The following OR8K3 variants were observed in gnomAD, a reference collection of about 807,000 sequenced individuals.
The protein encoded by OR8K3 is olfactory receptor 8K3.
For synonymous variants in OR8K3, 167 were observed against 138.8 expected (o/e 1.20, Z -1.43); for missense variants, 448 against 367.4 (o/e 1.22, Z -1.79).
Position 56,319,245 on chromosome 11 carries a change from A to C in OR8K3, c.939A>C (p.Ter313TyrextTer10). The C allele has an allele frequency of 6.5e-7, 1 of 1,526,980 alleles. No homozygotes were observed. The highest frequency in any genetic ancestry group is 1.1e-5 in the South Asian group (1 of 87,990). 94.6% of individuals were successfully genotyped at this position (1,526,980 alleles called of 1,614,324 possible). The part of the protein sequence containing the change: ...TWNNLCNIFV[*>Y] ...ATAACTTATGTAATATTTTTGTTTAAATTTTGTACAATATGATTCCTATAA... is the reference window on the plus strand; with the variant it reads ...ATAACTTATGTAATATTTTTGTTTACATTTTGTACAATATGATTCCTATAA... The change falls in exon 3 of 3, where the codon TAA (stop) becomes TAC (tyrosine). Residue 313 changes from the stop codon to tyrosine, a stop_lost. Coordinates refer to ENST00000641662, the MANE Select transcript of OR8K3 (RefSeq NM_001005202.2).
At position 56,315,169 on chromosome 11, in the gene OR8K3, TAA is replaced by T. The variant is rs67427457; in HGVS notation, c.-82+14_-82+15del. ...GTCAAGACAGAGGCTTCCTTACAGG[TAA>T]AAAAAAAAAAAGTAAGAATGTTTCT... On this transcript the variant is annotated splice_donor_region_variant and intron_variant, in intron 1 of 2. Transcript: ENST00000641662. The T allele has an allele frequency of 2.9e-3, 420 of 145,106 alleles. No homozygotes were observed. Among genetic ancestry groups the T allele is most frequent in the African/African-American group, 9.2e-3 (369 of 40,184 alleles). The allele number at this position is 145,106 out of a possible 1,614,324, so 9.0% of individuals were successfully genotyped here.
At chr11:56,316,516 G>A (rs1470662978) in intron 2 of OR8K3, among the ~76,000 whole-genome samples, 5 of 151,512 alleles carry the variant, frequency 3.3e-5, no homozygotes, top group Non-Finnish European at 4.4e-5. Context: ...GGGTTATTGG[G>A]GGATATTTAG....
chr11:56,317,889 T>A (rs1437453322), intron 2 of OR8K3, among the ~76,000 whole-genome samples: 1 of 152,108 alleles, frequency 6.6e-6, no homozygotes, highest in African/African-American at 2.4e-5. Context: ...ATCTGTCTAT[T>A]CATGTATCTC....
rs753080044 is a variant in OR8K3 at position 56,319,123 on chromosome 11, G to A, written c.817G>A (p.Ala273Thr). 2.5e-6 allele frequency: 4 copies of A among 1,613,680 alleles called. No homozygotes were observed. Among genetic ancestry groups the A allele is most frequent in the Admixed American group, 3.3e-5 (2 of 59,976 alleles). ...TCATTCCTTTGACACTGATAAAGTG[G>A]CTTCCATATTTTACACCCTGGTTAT... is the stretch of plus-strand genomic sequence containing the variant. Reference protein sequence around the residue: ...SSHSFDTDKVASIFYTLVIPM... With the variant: ...SSHSFDTDKVTSIFYTLVIPM... Residue 273 changes from alanine to threonine, a missense_variant, in exon 3 of 3, where the codon GCT (alanine) becomes ACT (threonine). Physicochemically the swap from Ala to Thr is moderately conservative, Grantham distance 58. Transcript: ENST00000641662.
At position 56,318,590 on chromosome 11, in the gene OR8K3, A is replaced by AT. The variant is rs1367187185; in HGVS notation, c.289dup (p.Cys97LeufsTer14). 6.2e-7 allele frequency: 1 copy of AT among 1,613,288 alleles called. No homozygotes were observed. The highest frequency in any genetic ancestry group is 8.5e-7 in the Non-Finnish European group (1 of 1,179,686). On this transcript the variant is annotated frameshift_variant, in exon 3 of 3. Coordinates refer to ENST00000641662, the MANE Select transcript of OR8K3 (RefSeq NM_001005202.2). LOFTEE classifies it low-confidence loss of function (END_TRUNC). ...GTGGATAAGAATATAATTTCTTATT[A>AT]TTTTTGTGCAACACAGCTAGCTTTC...
chr11:56,315,914 C>A (rs529775449), intron 1 of OR8K3, 86 bp from the exon 2 acceptor site: 1 of 151,992 alleles, frequency 6.6e-6, no homozygotes, highest in Admixed American at 6.6e-5. Context: ...ATATTATTTT[C>A]TCAAAGATTG....
intron 2 of OR8K3, among the ~76,000 whole-genome samples, chr11:56,317,460 T>C (rs769602655): frequency 6.6e-6 from 1 of 152,148 alleles, no homozygotes; most frequent in Non-Finnish European, 1.5e-5. Context: ...TATTTTTTGC[T>C]TTGTAAATAT....
Position 56,320,065 on chromosome 11 carries a change from A to T in OR8K3, c.*820A>T, listed in dbSNP as rs1019546730. 6.6e-6 allele frequency: 1 copy of T among 151,972 alleles called. No homozygotes were observed. The highest frequency in any genetic ancestry group is 2.4e-5 in the African/African-American group (1 of 41,362). 9.4% of individuals were successfully genotyped at this position (151,972 alleles called of 1,614,324 possible). ...TCACAGATTTTCCCGTTATTTATCT[A>T]AAAAAAAGTAATAAACTGTGGTTAA... is the stretch of plus-strand genomic sequence containing the variant. On this transcript the variant is annotated 3_prime_UTR_variant, in exon 3 of 3. Coordinates refer to ENST00000641662, the MANE Select transcript of OR8K3 (RefSeq NM_001005202.2).
chr11:56,318,132 A>C (rs112445607), intron 2 of OR8K3, among the ~76,000 whole-genome samples, 152 bp from the exon 3 acceptor site: 3 of 152,242 alleles, frequency 2.0e-5, no homozygotes, highest in African/African-American at 7.2e-5. Context: ...CTCTTTCTTA[A>C]ATTATTTAAA....
chr11:56,318,454 A>C lies in OR8K3; in HGVS notation c.148A>C (p.Lys50Gln). 6.2e-7 allele frequency: 1 copy of C among 1,614,138 alleles called. No individual in the cohort carries two copies. Among genetic ancestry groups the C allele is most frequent in the Non-Finnish European group, 8.5e-7 (1 of 1,179,990 alleles). ...MGNLGMIVLT[K>Q]LDSRLQTPMY... is the part of the protein sequence containing the mutation. ...CAATTTGGGCATGATTGTCCTCACC[A>C]AGTTGGACTCCAGGTTGCAAACCCC... Residue 50 changes from lysine (K) to glutamine (Q), a missense_variant, in exon 3 of 3, where the codon AAG (lysine) becomes CAG (glutamine). By Grantham distance (53) the Lys-to-Gln change is moderately conservative. Coordinates refer to ENST00000641662, the MANE Select transcript of OR8K3 (RefSeq NM_001005202.2).
At position 56,320,280 on chromosome 11, in the gene OR8K3, A is replaced by G. The variant is rs1854508019; in HGVS notation, c.*1035A>G. 6.6e-6 allele frequency: 1 copy of G among 152,212 alleles called. No homozygotes were observed. The highest frequency in any genetic ancestry group is 2.4e-5 in the African/African-American group (1 of 41,446). The allele number at this position is 152,212 out of a possible 1,614,324, so 9.4% of individuals were successfully genotyped here. On this transcript the variant is annotated 3_prime_UTR_variant, in exon 3 of 3. Transcript: ENST00000641662. ...ATTTTTCTACTTGTACAAAGCAAAT[A>G]AAAGTAATAAAATGCACTACACCAT...
At chr11:56,317,883 G>A (rs34311941) in intron 2 of OR8K3, among the ~76,000 whole-genome samples, 23,730 of 151,690 alleles carry the variant, frequency 0.16, 2,227 homozygotes, top group Non-Finnish European at 0.21. Context: ...TCTATCATCT[G>A]TCTATTCATG....
At chr11:56,316,410 C>CA (rs1854443905) in intron 2 of OR8K3, among the ~76,000 whole-genome samples, 2 of 133,992 alleles carry the variant, frequency 1.5e-5, no homozygotes, top group Admixed American at 1.6e-4. Flanking sequence ...TTTCTTTTTT[C>CA]AAAAAACATT....
chr11:56,319,081 G>T lies in OR8K3; in HGVS notation c.775G>T (p.Val259Leu), dbSNP rs761417566. 2.5e-5 allele frequency: 41 copies of T among 1,614,028 alleles called. No homozygotes were observed. Among genetic ancestry groups the T allele is most frequent in the East Asian group, 1.6e-4 (7 of 44,868 alleles). The change falls in exon 3 of 3, where the codon GTG becomes TTG. Residue 259 changes from valine to leucine, a missense_variant. Transcript: ENST00000641662. ...CTATGGGACTTTGCTTTTCATGTAC[G>T]TGCAGCCCAAGTCCAGTCATTCCTT... ...VFYGTLLFMY[V>L]QPKSSHSFDT...
At position 56,318,683 on chromosome 11, in the gene OR8K3, T is replaced by C. The variant is rs757996560; in HGVS notation, c.377T>C (p.Ile126Thr). 5 of 1,613,920 alleles carry C rather than the reference T, an allele frequency of 3.1e-6. No homozygotes were observed. The highest frequency in any genetic ancestry group is 2.2e-5 in the South Asian group (2 of 91,072). Residue 126 changes from isoleucine (I) to threonine (T), a missense_variant, in exon 3 of 3, where the codon ATC (isoleucine) becomes ACC (threonine). Transcript: ENST00000641662. Reference protein sequence around the residue: ...SAMSYDLYVAICNPLLYTVIM... With the variant: ...SAMSYDLYVATCNPLLYTVIM... ...ATGTCCTACGACCTCTATGTGGCCATCTGTAACCCTCTGCTATACACAGTA... is the reference window on the plus strand; with the variant it reads ...ATGTCCTACGACCTCTATGTGGCCACCTGTAACCCTCTGCTATACACAGTA...
rs576640076 is a variant in OR8K3, at chr11:56,318,355, A to G, written c.49A>G (p.Ile17Val). Residue 17 changes from isoleucine to valine, a missense_variant, in exon 3 of 3, where the codon ATC becomes GTC. Transcript: ENST00000641662. The part of the protein sequence containing the change: ...TTVNEFILTG[I>V]TDIAELQAPL... ...GGTGAATGAATTCATTCTTACGGGA[A>G]TCACAGATATCGCTGAGCTGCAGGC... 6.2e-6 allele frequency: 10 copies of G among 1,613,910 alleles called. No individual in the cohort carries two copies. The highest frequency in any genetic ancestry group is 7.6e-6 in the Non-Finnish European group (9 of 1,179,842).
chr11:56,316,875 A>G (rs1034995933), intron 2 of OR8K3, among the ~76,000 whole-genome samples: 1 of 152,050 alleles, frequency 6.6e-6, no homozygotes, highest in Admixed American at 6.6e-5. Context: ...TCAAGTTAGC[A>G]TTTCTCAATT....
chr11:56,318,534 T>C lies in OR8K3; in HGVS notation c.228T>C (p.Thr76=). 6.2e-7 allele frequency: 1 copy of C among 1,613,680 alleles called. No individual in the cohort carries two copies. Among genetic ancestry groups the C allele is most frequent in the Non-Finnish European group, 8.5e-7 (1 of 1,179,744 alleles). Reference sequence around the variant, plus strand: ...TCATGGATCTTGGTTATTCAACAACTGTGGGACCCAAAATGTTAGTAAATT... The same window carrying C: ...TCATGGATCTTGGTTATTCAACAACCGTGGGACCCAAAATGTTAGTAAATT... The part of the protein sequence containing the change: ...LAFMDLGYST[T]VGPKMLVNFV... The change falls in exon 3 of 3, where the codon ACT becomes ACC. Residue 76 remains threonine (T), a synonymous_variant. Transcript: ENST00000641662.
chr11:56,316,531 A>AT (rs1854445622), intron 2 of OR8K3, among the ~76,000 whole-genome samples: 1 of 151,914 alleles, frequency 6.6e-6, no homozygotes, highest in South Asian at 2.1e-4. Context: ...ATTTAGATAT[A>AT]TATTTATTCG....
Sources: gnomAD v4.1 joint callset for allele counts (sites outside exome capture counted in the v4.1 genomes callset) on GRCh38, gnomAD v4.1.1 for gene constraint, MANE v1.5 for transcripts, NCBI Gene and HGNC (gene_info 2026-07-23, HGNC 2026-07-21) for gene names.